Variants in FGFRL1 observed in about 807,000 individuals in gnomAD.
FGFRL1 encodes the protein fibroblast growth factor receptor-like 1.
FGFRL1 carries 24 observed loss-of-function variants against 36.8 expected under a neutral mutation model. The observed-to-expected ratio is 0.65, with a 90% CI of 0.47 to 0.92. The LOEUF (loss-of-function observed/expected upper bound fraction) is 0.92, where lower values mean the gene tolerates loss of function less well. FGFRL1 is among the 40% of genes least tolerant of loss of function. The pLI is 0.00. For missense variants in FGFRL1, 785 were observed against 753.4 expected, an observed-to-expected ratio of 1.04 and a Z score of -0.49; for synonymous variants, 422 against 344.1, an observed-to-expected ratio of 1.23 and a Z score of -2.50.
rs757215836 is a variant in FGFRL1 at position 1,024,344 on chromosome 4, C to T, written c.752C>T (p.Thr251Met). 65 of 1,609,768 alleles carry T rather than the reference C, an allele frequency of 4.0e-5. No individual in the cohort carries two copies. The East Asian group carries it at 4.9e-4, about 12-fold the overall frequency. ...RTRSKPVLTG[T>M]HPVNTTVDFG... ...CGTTCCAAGCCCGTGCTCACAGGCA[C>T]GCACCCCGTGAACACGACGGTGGAC... Residue 251 changes from threonine (T) to methionine (M), a missense_variant, in exon 6 of 7, where the codon ACG becomes ATG. By Grantham distance (81) the Thr-to-Met change is moderately conservative. Transcript: ENST00000510644.
chr4:1,022,010 CTT>C (rs932963777), intron 2 of FGFRL1, among the ~76,000 whole-genome samples, 191 bp from the exon 3 acceptor site: 1 of 152,216 alleles, frequency 6.6e-6, no homozygotes, highest in Admixed American at 6.5e-5. Flanking sequence ...GTGCTCAGGG[CTT>C]TGGTGCATGT....
intron 2 of FGFRL1, among the ~76,000 whole-genome samples, chr4:1,017,792 G>A (rs1715970958): frequency 6.6e-6 from 1 of 152,192 alleles, no homozygotes. Context: ...CTCCCTGTAG[G>A]AGCCAGGCCC....
intron 2 of FGFRL1, among the ~76,000 whole-genome samples, chr4:1,018,471 C>T (rs1215599043): frequency 2.6e-5 from 4 of 152,200 alleles, no homozygotes; most frequent in Admixed American, 1.3e-4. Flanking sequence ...AGTTTACTCT[C>T]ATGTCTCGCT....
intron 2 of FGFRL1, among the ~76,000 whole-genome samples, chr4:1,021,118 G>C (rs1175978889): frequency 5.7e-5 from 7 of 123,836 alleles, no homozygotes; most frequent in African/African-American, 1.9e-4. Context: ...CAGGGAATGG[G>C]GTGGGGACCC....
At chr4:1,010,430 C>A (rs906564330), upstream of FGFRL1, among the ~76,000 whole-genome samples, 1 of 152,248 alleles carries the variant, frequency 6.6e-6, no homozygotes, top group Non-Finnish European at 1.5e-5. Context: ...TAGTTCGGGC[C>A]TTGAGGAGTC....
intron 2 of FGFRL1, among the ~76,000 whole-genome samples, chr4:1,016,018 A>C (rs1715868288): frequency 6.6e-6 from 1 of 152,070 alleles, no homozygotes; most frequent in Non-Finnish European, 1.5e-5. Flanking sequence ...GGGGAGCTGC[A>C]GCGGACAGGC....
chr4:1,024,498 G>A lies in FGFRL1; in HGVS notation c.906G>A (p.Lys302=). 2.5e-6 allele frequency: 4 copies of A among 1,612,548 alleles called. No individual in the cohort carries two copies. The highest frequency in any genetic ancestry group is 3.4e-6 in the Non-Finnish European group (4 of 1,179,860). ...CCACCATCGATGTGGGCGGCCAGAA[G>A]TTTGTGGTGCTGCCCACGGGTGACG... ...HNSTIDVGGQ[K]FVVLPTGDVW... The change falls in exon 6 of 7, where the codon AAG becomes AAA. Residue 302 remains lysine (K), a synonymous_variant. Coordinates refer to ENST00000510644, the MANE Select transcript of FGFRL1 (RefSeq NM_001004356.3).
At chr4:1,015,602 AG>A (rs1266161047) in intron 2 of FGFRL1, among the ~76,000 whole-genome samples, 1 of 152,204 alleles carries the variant, frequency 6.6e-6, no homozygotes, top group Non-Finnish European at 1.5e-5. Flanking sequence ...TGTGTGGGGC[AG>A]GGGGGTGCTG....
intron 2 of FGFRL1, among the ~76,000 whole-genome samples, chr4:1,018,698 G>A (rs967145191): frequency 3.3e-5 from 5 of 152,200 alleles, no homozygotes; most frequent in African/African-American, 1.2e-4. Context: ...CCCACCAGGT[G>A]CCTGTGCCCT....
chr4:1,019,966 C>T (rs539401892), intron 2 of FGFRL1, among the ~76,000 whole-genome samples: 1 of 152,226 alleles, frequency 6.6e-6, no homozygotes, highest in African/African-American at 2.4e-5. Flanking sequence ...CCCCAGCGGC[C>T]AATGATGCCT....
rs574197388 is a variant in FGFRL1 at position 1,018,916 on chromosome 4, G to T, written c.80-3287G>T. ...GGTGGGGGTGGGATAGGCCTGGCGAGGGGGAGGGAGGCTGTTTGCTTTAGG... is the reference window on the plus strand; with the variant it reads ...GGTGGGGGTGGGATAGGCCTGGCGATGGGGAGGGAGGCTGTTTGCTTTAGG... On this transcript the variant is annotated intron_variant, in intron 2 of 6. Coordinates refer to ENST00000510644, the MANE Select transcript of FGFRL1 (RefSeq NM_001004356.3). Among the ~76,000 whole-genome samples the T allele has an allele frequency of 8.5e-5, 13 of 152,302 alleles. No homozygotes were observed. In the East Asian group the frequency reaches 1.4e-3, roughly 16 times the overall value.
chr4:1,025,288 T>G lies in FGFRL1; in HGVS notation c.1456T>G (p.Ser486Ala). The G allele has an allele frequency of 6.4e-7, 1 of 1,567,740 alleles. No homozygotes were observed. Among genetic ancestry groups the G allele is most frequent in the South Asian group, 1.2e-5 (1 of 86,140 alleles). ...CATCCACACACACACACACACACAC[T>G]CTCACACACACTCACACGTGGAGGG... ...TDIHTHTHTH[S>A]HTHSHVEGKV... Residue 486 changes from serine (S) to alanine (A), a missense_variant, in exon 7 of 7, where the codon TCT becomes GCT. Ser to Ala is a moderately conservative substitution (Grantham distance 99). Transcript: ENST00000510644.
In FGFRL1 at chr4:1,024,007, G is replaced by A. The variant is rs1417040852; in HGVS notation, c.624G>A (p.Leu208=). Reference sequence around the variant, plus strand: ...GGAAGAAGAAGTGGACACTGAGCCTGAAGAACCTGCGGCCGGAGGACAGCG... The same window carrying A: ...GGAAGAAGAAGTGGACACTGAGCCTAAAGAACCTGCGGCCGGAGGACAGCG... ...EPRKKKWTLS[L]KNLRPEDSGK... Residue 208 remains leucine (L), a synonymous_variant, in exon 5 of 7, where the codon CTG becomes CTA. Transcript: ENST00000510644. 6.2e-7 allele frequency: 1 copy of A among 1,607,820 alleles called. No individual in the cohort carries two copies.
chr4:1,012,392 G>C, intron 1 of FGFRL1, 78 bp from the exon 2 acceptor site: 11 of 1,533,644 alleles, frequency 7.2e-6, no homozygotes, highest in Non-Finnish European at 8.7e-6. Context: ...CCAGACCCCT[G>C]ATCCCCGCGG....
In FGFRL1 at chr4:1,024,636, C is replaced by T; in HGVS notation, c.1044C>T (p.Phe348=). The change falls in exon 6 of 7, where the codon TTC becomes TTT. Residue 348 remains phenylalanine (F), a synonymous_variant. Coordinates refer to ENST00000510644, the MANE Select transcript of FGFRL1 (RefSeq NM_001004356.3). ...CLGANTMGYS[F]RSAFLTVLPD... ...GCGCCAACACCATGGGCTACAGCTT[C>T]CGCAGCGCCTTCCTCACCGTGCTGC... 1 of 1,606,780 alleles carries T rather than the reference C, an allele frequency of 6.2e-7. No homozygotes were observed. The highest frequency in any genetic ancestry group is 8.5e-7 in the Non-Finnish European group (1 of 1,175,782).
rs749212877 is a variant in FGFRL1, at chr4:1,025,278, ACACACACACTCT to A, written c.1458_1469del (p.Thr488_His491del). ...TCTACACAGACATCCACACACACAC[ACACACACACTCT>A]CACACACACTCACACGTGGAGGGCA... On this transcript the variant is annotated inframe_deletion, in exon 7 of 7. Coordinates refer to ENST00000510644, the MANE Select transcript of FGFRL1 (RefSeq NM_001004356.3). The A allele has an allele frequency of 8.8e-6, 14 of 1,590,326 alleles. No homozygotes were observed. The highest frequency in any genetic ancestry group is 1.2e-5 in the Non-Finnish European group (14 of 1,168,052).
At chr4:1,014,763 G>A (rs1715797239) in intron 2 of FGFRL1, among the ~76,000 whole-genome samples, 1 of 152,238 alleles carries the variant, frequency 6.6e-6, no homozygotes, top group Admixed American at 6.5e-5. Context: ...TGAGGTGGAC[G>A]TGTGGGAGCT....
chr4:1,014,118 A>G (rs1243822913), intron 2 of FGFRL1, among the ~76,000 whole-genome samples: 2 of 152,234 alleles, frequency 1.3e-5, no homozygotes, highest in African/African-American at 4.8e-5. Context: ...CGTTAGGCCA[A>G]GGACCAGCAT....
At chr4:1,018,593 G>T (rs957640418) in intron 2 of FGFRL1, among the ~76,000 whole-genome samples, 1 of 152,188 alleles carries the variant, frequency 6.6e-6, no homozygotes, top group Non-Finnish European at 1.5e-5. Flanking sequence ...GTCTTGGCAG[G>T]GTGCACGGCC....
Sources: allele counts gnomAD v4.1 joint callset (sites outside exome capture counted in the v4.1 genomes callset), GRCh38; gene constraint gnomAD v4.1.1; transcripts MANE v1.5; gene names NCBI Gene and HGNC (gene_info 2026-07-23, HGNC 2026-07-21).